Variants in ZCCHC4 observed in about 807,000 individuals in gnomAD.
ZCCHC4 encodes the protein zinc finger CCHC-type containing 4.
ZCCHC4 carries 54 observed loss-of-function variants against 67.7 expected under a neutral mutation model. The observed-to-expected ratio is 0.80, with a 90% CI of 0.64 to 1.00. The LOEUF (loss-of-function observed/expected upper bound fraction) is 1.00, where lower values mean the gene tolerates loss of function less well. ZCCHC4 is among the 50% of genes least tolerant of loss of function. ZCCHC4 has a pLI of 0.00. For missense variants in ZCCHC4, 609 were observed against 617.0 expected (o/e 0.99, Z 0.14); for synonymous variants, 198 against 213.5 (o/e 0.93, Z 0.63).
intron 3 of ZCCHC4, among the ~76,000 whole-genome samples, chr4:25,327,339 A>G (rs536971696): frequency 1.3e-5 from 2 of 152,068 alleles, no homozygotes; most frequent in South Asian, 2.1e-4. Flanking sequence ...CCTTTATCAG[A>G]TTGTAGAAGT....
intron 3 of ZCCHC4, among the ~76,000 whole-genome samples, chr4:25,318,349 CTTTTTTTTT>C (rs528144406): frequency 2.2e-5 from 1 of 45,508 alleles, no homozygotes; most frequent in African/African-American, 1.0e-4. Flanking sequence ...CACTCTCTCT[CTTTTTTTTT>C]TTTTTTTTTT....
At chr4:25,320,629 C>G (rs1718534440) in intron 3 of ZCCHC4, among the ~76,000 whole-genome samples, 1 of 152,186 alleles carries the variant, frequency 6.6e-6, no homozygotes, top group Non-Finnish European at 1.5e-5. Flanking sequence ...TTCTCATGTT[C>G]TCTCTACCAA....
intron 3 of ZCCHC4, among the ~76,000 whole-genome samples, chr4:25,329,052 T>A (rs1450231840): frequency 6.6e-6 from 1 of 151,910 alleles, no homozygotes; most frequent in Non-Finnish European, 1.5e-5. Flanking sequence ...CCAGGTGTGG[T>A]GGCAAGCACC....
At chr4:25,352,009 C>T in intron 8 of ZCCHC4, 1 of 1,022,696 alleles carries the variant, frequency 9.8e-7, no homozygotes. Flanking sequence ...TTCATCATCA[C>T]TAGGAGATTT....
Position 25,369,259 on chromosome 4 carries a change from A to G in ZCCHC4, c.*95A>G. The G allele has an allele frequency of 3.2e-6, 5 of 1,549,724 alleles. No individual in the cohort carries two copies. In the South Asian group the frequency reaches 3.6e-5, roughly 11 times the overall value. On this transcript the variant is annotated 3_prime_UTR_variant, in exon 13 of 13. Transcript: ENST00000302874. ...ACTGGACTTAAATTCAGCTGCTTCC[A>G]GAGGTGTGCACCTTTCTGAGCTAGA...
chr4:25,362,005 G>A, intron 9 of ZCCHC4, 25 bp downstream of exon 9: 3 of 1,600,634 alleles, frequency 1.9e-6, no homozygotes, highest in Non-Finnish European at 2.6e-6. Context: ...GAACTTTGAA[G>A]TACACAAGTC....
In ZCCHC4 at chr4:25,364,434, ATTG is replaced by A. The variant is rs755517503; in HGVS notation, c.1210-17_1210-15del. On this transcript the variant is annotated splice_polypyrimidine_tract_variant and intron_variant, in intron 10 of 12. Transcript: ENST00000302874. ...ATAACAAATTAATTATAATTTAAAA[ATTG>A]TTTTTTTTTTTGGTAGGATGGCAGG... is the stretch of plus-strand genomic sequence containing the variant. 22 of 1,479,432 alleles carry A rather than the reference ATTG, an allele frequency of 1.5e-5. No homozygotes were observed. In the African/African-American group the frequency reaches 3.2e-4, roughly 21 times the overall value. 91.6% of individuals were successfully genotyped at this position (1,479,432 alleles called of 1,614,324 possible). A position where few individuals can be genotyped will look rare whatever the true frequency, so the allele number is the denominator to read the frequency against.
chr4:25,331,820 A>G (rs1165567942), intron 3 of ZCCHC4, among the ~76,000 whole-genome samples: 1 of 152,232 alleles, frequency 6.6e-6, no homozygotes, highest in East Asian at 1.9e-4. Context: ...AACAGTTATC[A>G]TAGAAATAGA....
At chr4:25,360,988 A>G (rs1198766277) in intron 8 of ZCCHC4, among the ~76,000 whole-genome samples, 1 of 152,140 alleles carries the variant, frequency 6.6e-6, no homozygotes, top group Non-Finnish European at 1.5e-5. Context: ...CTGTACTGAT[A>G]CCTGGGTGGT....
At chr4:25,315,198 A>G (rs2109044559) in intron 2 of ZCCHC4, 120 bp from the exon 3 acceptor site, 2 of 825,324 alleles carry the variant, frequency 2.4e-6, no homozygotes, top group Middle Eastern at 4.9e-4. Flanking sequence ...TTTTCTCCTG[A>G]AATGAATGCC....
At chr4:25,351,562 TA>T in intron 7 of ZCCHC4, 26 bp from the exon 8 acceptor site, 1 of 1,485,024 alleles carries the variant, frequency 6.7e-7, no homozygotes, top group Non-Finnish European at 9.2e-7. Context: ...AATTTACTAT[TA>T]TTTTTTCCTT....
At chr4:25,349,795 C>T in intron 7 of ZCCHC4, 153 bp downstream of exon 7, 1 of 724,488 alleles carries the variant, frequency 1.4e-6, no homozygotes, top group Non-Finnish European at 2.2e-6. Flanking sequence ...CAGCAAACTT[C>T]ATTATCATGA....
chr4:25,344,257 C>CTGTGCT (rs1225045923), intron 5 of ZCCHC4, among the ~76,000 whole-genome samples: 2 of 151,950 alleles, frequency 1.3e-5, no homozygotes, highest in African/African-American at 4.8e-5. Flanking sequence ...TTTTAAAATA[C>CTGTGCT]TGTGTTACCA....
intron 5 of ZCCHC4, among the ~76,000 whole-genome samples, chr4:25,340,387 T>C (rs1009949423): frequency 6.4e-4 from 98 of 152,346 alleles, no homozygotes; most frequent in African/African-American, 2.1e-3. Context: ...TACACAGTCA[T>C]GATTACTGTT....
chr4:25,315,903 T>G lies in ZCCHC4; in HGVS notation c.329+503T>G, dbSNP rs116171235. Among the ~76,000 whole-genome samples the G allele has an allele frequency of 9.1e-3, 1,388 of 152,082 alleles. 13 individuals carry two copies. Among genetic ancestry groups the G allele is most frequent in the African/African-American group, 0.032 (1,309 of 41,478 alleles). ...AATTTATTATTATTTTTTATAGAGA[T>G]AAGGTCTTGCTATGTTGCCCAGAAC... On this transcript the variant is annotated intron_variant, in intron 3 of 12. Transcript: ENST00000302874.
At chr4:25,351,986 G>T in intron 8 of ZCCHC4, 1 of 1,048,690 alleles carries the variant, frequency 9.5e-7, no homozygotes, top group Non-Finnish European at 1.1e-6. Flanking sequence ...GTTTAGAGCG[G>T]CTGATTTAGT....
At chr4:25,352,915 A>G (rs1720367008) in intron 8 of ZCCHC4, among the ~76,000 whole-genome samples, 1 of 152,252 alleles carries the variant, frequency 6.6e-6, no homozygotes, top group African/African-American at 2.4e-5. Context: ...ACCAAAAATG[A>G]GAGTAAAAGA....
At chr4:25,341,518 G>T (rs1049817292) in intron 5 of ZCCHC4, among the ~76,000 whole-genome samples, 2 of 152,108 alleles carry the variant, frequency 1.3e-5, no homozygotes, top group Non-Finnish European at 2.9e-5. Context: ...TCCACCATAA[G>T]TAAAAACTTC....
At chr4:25,339,293 A>G (rs566155528) in intron 5 of ZCCHC4, among the ~76,000 whole-genome samples, 81 of 152,352 alleles carry the variant, frequency 5.3e-4, no homozygotes, top group African/African-American at 1.8e-3. Flanking sequence ...GAAACAGTTC[A>G]GCCCTTATAC....
Sources: allele counts gnomAD v4.1 joint callset (sites outside exome capture counted in the v4.1 genomes callset), GRCh38; gene constraint gnomAD v4.1.1; transcripts MANE v1.5; gene names NCBI Gene and HGNC (gene_info 2026-07-23, HGNC 2026-07-21).